PEX5L: variants seen among roughly 807,000 people sequenced by gnomAD.
PEX5L encodes peroxisomal biogenesis factor 5 like.
A neutral mutation model predicts 84.0 loss-of-function variants in PEX5L; 30 were observed. The ratio of observed to expected loss-of-function variants is 0.36; its 90% CI spans 0.27 to 0.48. The LOEUF is 0.48. PEX5L is among the 20% of genes least tolerant of loss of function. The pLI, the probability that PEX5L is intolerant of heterozygous loss-of-function variation, is 0.99. For missense variants in PEX5L, 533 were observed against 754.6 expected (o/e 0.71, Z 3.44); for synonymous variants, 270 against 283.1 (o/e 0.95, Z 0.46).
intron 2 of PEX5L, among the ~76,000 whole-genome samples, chr3:179,963,160 G>A (rs571605073): frequency 1.3e-5 from 2 of 152,242 alleles, no homozygotes; most frequent in East Asian, 3.9e-4. Context: ...ATTACTGCTT[G>A]GAAAACTGGG....
At chr3:179,940,023 T>A (rs1432490244) in intron 2 of PEX5L, among the ~76,000 whole-genome samples, 4 of 152,174 alleles carry the variant, frequency 2.6e-5, no homozygotes, top group Non-Finnish European at 5.9e-5. Context: ...CTCCTCAGCA[T>A]TACATGAGGT....
intron 1 of PEX5L, among the ~76,000 whole-genome samples, chr3:180,011,260 T>C (rs767241273): frequency 5.3e-5 from 8 of 152,238 alleles, no homozygotes; most frequent in Non-Finnish European, 7.3e-5. Flanking sequence ...AGAACCAAGG[T>C]TGGATTAGAA....
intron 2 of PEX5L, among the ~76,000 whole-genome samples, chr3:179,916,535 G>A (rs560677925): frequency 1.3e-5 from 2 of 152,274 alleles, no homozygotes; most frequent in Non-Finnish European, 2.9e-5. Flanking sequence ...AGACATTACT[G>A]TATACTACTG....
rs144285004 is a variant in PEX5L at position 180,006,520 on chromosome 3, T to C, written c.21+30059A>G. Among the ~76,000 whole-genome samples the C allele has an allele frequency of 1.2e-3, 190 of 152,250 alleles. 3 individuals are homozygous for C. The highest frequency in any genetic ancestry group is 4.4e-3 in the African/African-American group (181 of 41,552). On this transcript the variant is annotated intron_variant, in intron 1 of 14. Coordinates refer to ENST00000467460, the MANE Select transcript of PEX5L (RefSeq NM_016559.3). ...GTGAGGGCTTCTGGGAAGGAGAATA[T>C]AGAAAGTGGAAACAAACTCTCCAAT...
intron 2 of PEX5L, among the ~76,000 whole-genome samples, chr3:179,900,505 A>G (rs1256346825): frequency 1.3e-5 from 2 of 152,190 alleles, no homozygotes; most frequent in Non-Finnish European, 2.9e-5. Flanking sequence ...GTGCAACTAT[A>G]ATAGCTAGAG....
At chr3:179,979,324 T>A (rs1035890939) in intron 1 of PEX5L, among the ~76,000 whole-genome samples, 1 of 152,198 alleles carries the variant, frequency 6.6e-6, no homozygotes, top group Non-Finnish European at 1.5e-5. Flanking sequence ...CATGTTCTTG[T>A]CTCCTTCCCT....
At position 179,809,678 on chromosome 3, in the gene PEX5L, A is replaced by AC. The variant is rs386398682; in HGVS notation, c.1155-11_1155-10insG. 1 of 1,577,918 alleles carries AC rather than the reference A, an allele frequency of 6.3e-7. No individual in the cohort carries two copies. The highest frequency in any genetic ancestry group is 8.5e-7 in the Non-Finnish European group (1 of 1,169,602). On this transcript the variant is annotated splice_polypyrimidine_tract_variant and intron_variant, in intron 11 of 14. Transcript: ENST00000467460. ...CTGTAATTCTAAGCACCTGAAAAAA[A>AC]AAAAGAAGCCAATTTCAGATTTTTT...
chr3:179,880,226 G>T, intron 4 of PEX5L, 103 bp from the exon 5 acceptor site: 1 of 655,910 alleles, frequency 1.5e-6, no homozygotes, highest in Non-Finnish European at 2.5e-6. Context: ...TGTAGGATAG[G>T]TTAGAATAAA....
chr3:179,808,688 T>C (rs1406937636), intron 12 of PEX5L, among the ~76,000 whole-genome samples: 1 of 152,196 alleles, frequency 6.6e-6, no homozygotes, highest in Non-Finnish European at 1.5e-5. Flanking sequence ...CGAGTTCTGT[T>C]GACTCTATGA....
chr3:180,016,524 G>T (rs1428277758), intron 1 of PEX5L, among the ~76,000 whole-genome samples: 5 of 152,092 alleles, frequency 3.3e-5, no homozygotes, highest in Non-Finnish European at 7.4e-5. Context: ...CAATTATCAC[G>T]CAGGAATGAA....
At chr3:180,035,215 A>C (rs1791796062) in intron 1 of PEX5L, among the ~76,000 whole-genome samples, 1 of 152,186 alleles carries the variant, frequency 6.6e-6, no homozygotes, top group African/African-American at 2.4e-5. Context: ...TCTTGGGTGA[A>C]GATGAAGCAT....
At chr3:179,918,033 T>C (rs1476820862) in intron 2 of PEX5L, among the ~76,000 whole-genome samples, 1 of 152,226 alleles carries the variant, frequency 6.6e-6, no homozygotes, top group Non-Finnish European at 1.5e-5. Flanking sequence ...ATTATGACCA[T>C]TTTAAAGATG....
At chr3:179,802,284 C>T (rs1307253272) in intron 14 of PEX5L, among the ~76,000 whole-genome samples, 1 of 151,896 alleles carries the variant, frequency 6.6e-6, no homozygotes, top group African/African-American at 2.4e-5. Flanking sequence ...CCTGTAATCC[C>T]AGCACTTTGG....
intron 8 of PEX5L, among the ~76,000 whole-genome samples, chr3:179,854,779 A>G (rs1485606972): frequency 6.6e-6 from 1 of 152,232 alleles, no homozygotes; most frequent in East Asian, 1.9e-4. Context: ...TCTAGATATT[A>G]GGGTACAGTG....
Position 179,873,662 on chromosome 3 carries a change from C to T in PEX5L, c.726+665G>A, listed in dbSNP as rs148246284. Among the ~76,000 whole-genome samples the T allele has an allele frequency of 1.9e-4, 29 of 152,242 alleles. No individual in the cohort carries two copies. In the East Asian group the frequency reaches 5.2e-3, roughly 27 times the overall value. On this transcript the variant is annotated intron_variant, in intron 7 of 14. Transcript: ENST00000467460. ...AGACCTGGTTCACACCCTACTTCCA[C>T]CAGTGATTTAGCTGAGTGTCCCAGG...
At chr3:179,920,369 A>C (rs748452845) in intron 2 of PEX5L, among the ~76,000 whole-genome samples, 2 of 152,122 alleles carry the variant, frequency 1.3e-5, no homozygotes, top group African/African-American at 2.4e-5. Flanking sequence ...CTTTTGTAAA[A>C]TCAAATTTGT....
At chr3:179,815,743 G>A in intron 10 of PEX5L, 118 bp downstream of exon 10, 1 of 1,113,794 alleles carries the variant, frequency 9.0e-7, no homozygotes, top group South Asian at 1.5e-5. Context: ...ACTAAGCTAG[G>A]TTAACTCCTC....
intron 7 of PEX5L, among the ~76,000 whole-genome samples, chr3:179,868,939 T>C (rs538188355): frequency 1.3e-5 from 2 of 151,366 alleles, no homozygotes; most frequent in East Asian, 1.9e-4. Context: ...AACATCTGTA[T>C]GCCTTTTCTC....
chr3:179,943,227 A>G (rs1341069803), intron 2 of PEX5L, among the ~76,000 whole-genome samples: 4 of 152,246 alleles, frequency 2.6e-5, no homozygotes, highest in Non-Finnish European at 5.9e-5. Context: ...CGCTATCATC[A>G]GCATTTGCAC....
Sources: gnomAD v4.1 joint callset for allele counts (sites outside exome capture counted in the v4.1 genomes callset) on GRCh38, gnomAD v4.1.1 for gene constraint, MANE v1.5 for transcripts, NCBI Gene and HGNC (gene_info 2026-07-23, HGNC 2026-07-21) for gene names.